The following AKIP1 variants were observed in gnomAD, a reference collection of about 807,000 sequenced individuals.
The protein encoded by AKIP1 is A-kinase interacting protein 1.
AKIP1 carries 18 observed loss-of-function variants against 22.3 expected under a neutral mutation model. That is an observed-to-expected ratio of 0.81 (90% CI 0.56 to 1.19). The LOEUF is 1.19. AKIP1 is among the 50% of genes most tolerant of loss of function. AKIP1 has a pLI of 0.00. For missense variants in AKIP1, 287 were observed against 264.6 expected (o/e 1.08, Z -0.59); for synonymous variants, 120 against 102.7 (o/e 1.17, Z -1.02).
At chr11:8,917,534 G>C in intron 5 of AKIP1, 167 bp downstream of exon 5, 1 of 622,790 alleles carries the variant, frequency 1.6e-6, no homozygotes, top group Admixed American at 2.4e-5. Context: ...TGTAAAATTA[G>C]GTTTTCTTGG....
chr11:8,917,314 G>T lies in AKIP1; in HGVS notation c.436G>T (p.Gly146Cys). ...AAAAGACAGAAAAAAGACATCCCTT[G>T]GTCCTGGAGGCAGCTATCAAATATC... ...QRKDRKKTSL[G>C]PGGSYQISEH... The change falls in exon 5 of 6, where the codon GGT becomes TGT. Residue 146 changes from glycine to cysteine, a missense_variant. By Grantham distance (159) the Gly-to-Cys change is radical. Coordinates refer to ENST00000309377, the MANE Select transcript of AKIP1 (RefSeq NM_020642.4). 6.2e-7 allele frequency: 1 copy of T among 1,611,000 alleles called. No homozygotes were observed. The highest frequency in any genetic ancestry group is 8.5e-7 in the Non-Finnish European group (1 of 1,178,218).
chr11:8,915,823 T>C (rs10743096), intron 4 of AKIP1, among the ~76,000 whole-genome samples: 49,030 of 139,320 alleles, frequency 0.35, 8,833 homozygotes, highest in Non-Finnish European at 0.42. Context: ...TTCTTTCTTT[T>C]TTTTTTTTTT....
Position 8,911,425 on chromosome 11 carries a change from A to G in AKIP1, c.-6-19A>G. 6.4e-7 allele frequency: 1 copy of G among 1,558,688 alleles called. No individual in the cohort carries two copies. Among genetic ancestry groups the G allele is most frequent in the East Asian group, 2.4e-5 (1 of 42,416 alleles). The stretch of plus-strand genomic sequence containing the variant: ...GCCCAGCTGACCCGCCGGCGTTTGT[A>G]CGTTGTGTGCCCACTCAGGGAGCCA... On this transcript the variant is annotated intron_variant, in intron 1 of 5. Transcript: ENST00000309377.
chr11:8,919,231 C>T (rs996874179), intron 5 of AKIP1, 106 bp from the exon 6 acceptor site: 16 of 1,074,050 alleles, frequency 1.5e-5, no homozygotes, highest in Admixed American at 9.1e-5. Context: ...CCCACATTAG[C>T]GCTTCATTCC....
At chr11:8,918,173 T>G (rs1219992327) in intron 5 of AKIP1, 1 of 152,236 alleles carries the variant, frequency 6.6e-6, no homozygotes, top group Non-Finnish European at 1.5e-5. Context: ...TTTCCTTGTG[T>G]GCAAATGAAG....
chr11:8,918,149 A>C (rs1010561026), intron 5 of AKIP1: 4 of 152,130 alleles, frequency 2.6e-5, no homozygotes, highest in African/African-American at 7.2e-5. Context: ...CCACATGCCA[A>C]CCTTACCTCT....
intron 3 of AKIP1, 81 bp from the exon 4 acceptor site, chr11:8,914,745 C>T: frequency 3.8e-6 from 4 of 1,040,282 alleles, no homozygotes; most frequent in Non-Finnish European, 5.9e-6. Flanking sequence ...TCCTTAACTG[C>T]ACTTTGCCCA....
In AKIP1 at chr11:8,917,290, A is replaced by C. The variant is rs2064499651; in HGVS notation, c.412A>C (p.Lys138Gln). Residue 138 changes from lysine (K) to glutamine (Q), a missense_variant, in exon 5 of 6, where the codon AAA (lysine) becomes CAA (glutamine). Transcript: ENST00000309377. Reference protein sequence around the residue: ...MCLDIGNGQRKDRKKTSLGPG... With the variant: ...MCLDIGNGQRQDRKKTSLGPG... ...AGTGTTCTACTTGTCTCTTCAGAGA[A>C]AAGACAGAAAAAAGACATCCCTTGG... is the stretch of plus-strand genomic sequence containing the variant. 1 of 1,604,760 alleles carries C rather than the reference A, an allele frequency of 6.2e-7. No homozygotes were observed. Among genetic ancestry groups the C allele is most frequent in the African/African-American group, 1.3e-5 (1 of 74,792 alleles).
chr11:8,911,594 A>C lies in AKIP1; in HGVS notation c.145A>C (p.Met49Leu). Residue 49 changes from methionine to leucine, a missense_variant, in exon 2 of 6, where the codon ATG becomes CTG. Physicochemically the swap from Met to Leu is conservative, Grantham distance 15. Transcript: ENST00000309377. ...TGCCCTGGAGCGTCCCAAAGGCTGC[A>C]TGGGGGTCCTTGCCCGGGAGGCGCC... Reference protein sequence around the residue: ...WHALERPKGCMGVLAREAPHL... With the variant: ...WHALERPKGCLGVLAREAPHL... 6.2e-7 allele frequency: 1 copy of C among 1,607,718 alleles called. No homozygotes were observed. The highest frequency in any genetic ancestry group is 8.5e-7 in the Non-Finnish European group (1 of 1,178,090).
At position 8,911,220 on chromosome 11, in the gene AKIP1, C is replaced by T; in HGVS notation, c.-10C>T. The T allele has an allele frequency of 3.7e-6, 2 of 543,664 alleles. No individual in the cohort carries two copies. The highest frequency in any genetic ancestry group is 2.5e-5 in the South Asian group (1 of 40,426). The allele number at this position is 543,664 out of a possible 1,614,324, so 33.7% of individuals were successfully genotyped here. ...GCGCGCATGCGCCTTGACGAGTGAG[C>T]CGGGTGAGGGGGCTCCCTAAGTAGC... On this transcript the variant is annotated 5_prime_UTR_variant, in exon 1 of 6. Transcript: ENST00000309377.
At chr11:8,918,368 G>A (rs1344266171) in intron 5 of AKIP1, among the ~76,000 whole-genome samples, 4 of 152,158 alleles carry the variant, frequency 2.6e-5, no homozygotes, top group Admixed American at 2.0e-4. Context: ...AAACAGCTTT[G>A]GAAAAAATTG....
chr11:8,912,525 C>A lies in AKIP1; in HGVS notation c.295C>A (p.Gln99Lys). 1 of 1,613,944 alleles carries A rather than the reference C, an allele frequency of 6.2e-7. No individual in the cohort carries two copies. Among genetic ancestry groups the A allele is most frequent in the South Asian group, 1.1e-5 (1 of 91,070 alleles). Residue 99 changes from glutamine (Q) to lysine (K), a missense_variant, in exon 3 of 6, where the codon CAG (glutamine) becomes AAG (lysine). Gln to Lys is a moderately conservative substitution (Grantham distance 53, BLOSUM62 1). Transcript: ENST00000309377. ...MAEFMDYTSSQCGKYYSSVPE... is the reference protein window; with the variant it reads ...MAEFMDYTSSKCGKYYSSVPE... ...TGAATTCATGGACTATACTTCAAGTCAGTGTGGGGTAAGTTGGTGTGAACC... is the reference window on the plus strand; with the variant it reads ...TGAATTCATGGACTATACTTCAAGTAAGTGTGGGGTAAGTTGGTGTGAACC...
At chr11:8,912,320 C>T in intron 2 of AKIP1, 133 bp from the exon 3 acceptor site, 1 of 680,342 alleles carries the variant, frequency 1.5e-6, no homozygotes, top group South Asian at 1.8e-5. Context: ...AATTCTTTCT[C>T]AATAACATCG....
chr11:8,915,438 A>G (rs1412114501), intron 4 of AKIP1, among the ~76,000 whole-genome samples: 1 of 132,970 alleles, frequency 7.5e-6, no homozygotes, highest in Non-Finnish European at 1.5e-5. Context: ...ATCATGGCTT[A>G]CTGCAGCCTT....
In AKIP1 at chr11:8,919,581, CTG is replaced by C; in HGVS notation, c.*102_*103del. 7.6e-7 allele frequency: 1 copy of C among 1,320,434 alleles called. No homozygotes were observed. Among genetic ancestry groups the C allele is most frequent in the Non-Finnish European group, 1.0e-6 (1 of 955,746 alleles). 81.8% of individuals were successfully genotyped at this position (1,320,434 alleles called of 1,614,324 possible). ...CTATACATTAATCCTGTTTTTAGTG[CTG>C]ACTGGGTCAGCCTTCCGGGAACTGG... On this transcript the variant is annotated 3_prime_UTR_variant, in exon 6 of 6. Coordinates refer to ENST00000309377, the MANE Select transcript of AKIP1 (RefSeq NM_020642.4).
chr11:8,919,770 G>A lies in AKIP1; in HGVS notation c.*290G>A. 4.2e-6 allele frequency: 1 copy of A among 237,998 alleles called. No individual in the cohort carries two copies. Among genetic ancestry groups the A allele is most frequent in the Non-Finnish European group, 8.2e-6 (1 of 122,124 alleles). The allele number at this position is 237,998 out of a possible 1,614,324, so 14.7% of individuals were successfully genotyped here. On this transcript the variant is annotated 3_prime_UTR_variant, in exon 6 of 6. Coordinates refer to ENST00000309377, the MANE Select transcript of AKIP1 (RefSeq NM_020642.4). ...TCCTGCCTCAGCCTCCCGAGTAGCT[G>A]GCACTACAGGCACCCGCCACCATGC...
chr11:8,912,684 G>T (rs2064403332), intron 3 of AKIP1, 151 bp downstream of exon 3: 1 of 695,166 alleles, frequency 1.4e-6, no homozygotes, highest in Non-Finnish European at 2.5e-6. Context: ...TTAAACCAGG[G>T]GGTAAATCCA....
chr11:8,911,796 G>A, intron 2 of AKIP1, 125 bp downstream of exon 2: 1 of 977,420 alleles, frequency 1.0e-6, no homozygotes, highest in Non-Finnish European at 1.5e-6. Context: ...GAAAGGATCA[G>A]AACAATGAAT....
intron 4 of AKIP1, among the ~76,000 whole-genome samples, chr11:8,915,350 T>C (rs1589923886): frequency 7.9e-6 from 1 of 126,644 alleles, no homozygotes; most frequent in East Asian, 2.6e-4. Flanking sequence ...GGATAGGATT[T>C]TTTTTTTCTT....
Sources: allele counts gnomAD v4.1 joint callset (sites outside exome capture counted in the v4.1 genomes callset), GRCh38; gene constraint gnomAD v4.1.1; transcripts MANE v1.5; gene names NCBI Gene and HGNC (gene_info 2026-07-23, HGNC 2026-07-21).